Variants in RBFOX1 observed in about 807,000 individuals in gnomAD.
RBFOX1 encodes the protein RNA binding fox-1 homolog 1, also known as RNA binding protein fox-1 homolog 1.
In RBFOX1, 8 loss-of-function variants were observed where a neutral mutation model predicts 57.7. The ratio of observed to expected loss-of-function variants is 0.14; its 90% CI spans 0.08 to 0.25. The LOEUF (loss-of-function observed/expected upper bound fraction) is 0.25. Among genes scored for constraint, RBFOX1 ranks in the 10% least tolerant of loss-of-function variants. RBFOX1 has a pLI of 1.00. For missense variants in RBFOX1, 611 were observed against 548.5 expected (o/e 1.11, Z -1.14); for synonymous variants, 326 against 222.4 (o/e 1.47, Z -4.15).
intron 3 of RBFOX1, among the ~76,000 whole-genome samples, chr16:7,003,782 G>C (rs1015459224): frequency 2.6e-5 from 4 of 152,070 alleles, no homozygotes; most frequent in Non-Finnish European, 5.9e-5. Flanking sequence ...TTTATTAATA[G>C]AACTTTTTGG....
chr16:7,135,906 C>G (rs934324210), intron 4 of RBFOX1, among the ~76,000 whole-genome samples: 2 of 152,222 alleles, frequency 1.3e-5, no homozygotes, highest in Non-Finnish European at 2.9e-5. Context: ...ATCTGGCACA[C>G]AGGTTCATCT....
At chr16:7,382,485 C>T (rs185813953) in intron 4 of RBFOX1, among the ~76,000 whole-genome samples, 3 of 152,232 alleles carry the variant, frequency 2.0e-5, no homozygotes, top group Middle Eastern at 3.4e-3. Context: ...TTCTTGTTAG[C>T]GCTTATTAAA....
In RBFOX1 at chr16:6,450,826, T is replaced by TATATAC. The variant is rs2094594166; in HGVS notation, c.-64+133774_-64+133775insCATATA. Among the ~76,000 whole-genome samples the TATATAC allele has an allele frequency of 1.8e-4, 6 of 32,914 alleles. 1 individual carries two copies. The highest frequency in any genetic ancestry group is 8.5e-4 in the African/African-American group (5 of 5,916). 21.6% of individuals were successfully genotyped at this position (32,914 alleles called of 152,430 possible). On this transcript the variant is annotated intron_variant, in intron 2 of 15. Transcript: ENST00000550418. ...GTATATATATATATATACATATATA[T>TATATAC]ATATATATATGTGTATATATATATA...
intron 2 of RBFOX1, among the ~76,000 whole-genome samples, chr16:6,502,740 G>C (rs1046875151): frequency 1.6e-4 from 25 of 152,032 alleles, no homozygotes; most frequent in African/African-American, 5.8e-4. Context: ...ATCTCCTCTA[G>C]GGTAAGGTGC....
intron 3 of RBFOX1, among the ~76,000 whole-genome samples, chr16:6,672,918 C>T (rs191431585): frequency 4.6e-5 from 7 of 152,078 alleles, no homozygotes; most frequent in Non-Finnish European, 1.0e-4. Context: ...CCCCCTAGAC[C>T]CCAGGCAAGG....
At chr16:5,472,640 G>C (rs1208770350) in intron 2 of RBFOX1, among the ~76,000 whole-genome samples, 1 of 152,082 alleles carries the variant, frequency 6.6e-6, no homozygotes, top group Non-Finnish European at 1.5e-5. Context: ...TCCTGGACTG[G>C]GTCTCACCTC....
intron 3 of RBFOX1, among the ~76,000 whole-genome samples, chr16:7,029,205 TATACGTATATATATACACACATATATATA>T (rs2042090467): frequency 2.0e-5 from 1 of 50,878 alleles, no homozygotes; most frequent in Non-Finnish European, 4.4e-5. Flanking sequence ...TATGTATACG[TATACGTATATATATACACACATATATATA>T]CGTATACGTA....
At chr16:6,589,300 GT>G (rs1254085513) in intron 2 of RBFOX1, among the ~76,000 whole-genome samples, 2 of 152,216 alleles carry the variant, frequency 1.3e-5, no homozygotes, top group Non-Finnish European at 2.9e-5. Flanking sequence ...TAGAAAATAT[GT>G]GTAATTCACC....
At chr16:6,044,895 C>A (rs1444238709) in intron 1 of RBFOX1, among the ~76,000 whole-genome samples, 1 of 152,176 alleles carries the variant, frequency 6.6e-6, no homozygotes, top group African/African-American at 2.4e-5. Context: ...AATGAGAGTT[C>A]CCTCTGCATA....
chr16:6,691,547 A>G (rs1221893582), intron 3 of RBFOX1, among the ~76,000 whole-genome samples: 1 of 152,150 alleles, frequency 6.6e-6, no homozygotes, highest in South Asian at 2.1e-4. Context: ...CCGTTATCAC[A>G]TTACACGCGT....
At chr16:6,816,123 C>T (rs77879152) in intron 3 of RBFOX1, among the ~76,000 whole-genome samples, 13,757 of 152,100 alleles carry the variant, frequency 0.09, 971 homozygotes, top group African/African-American at 0.19. Flanking sequence ...GCCTGTGCAA[C>T]ATGAGGAGAC....
intron 4 of RBFOX1, among the ~76,000 whole-genome samples, chr16:7,358,696 A>C (rs948197821): frequency 6.6e-6 from 1 of 152,348 alleles, no homozygotes; most frequent in Admixed American, 6.5e-5. Context: ...CTGGGATTAC[A>C]AGCGTGAACC....
At chr16:6,261,914 C>T (rs1427103436) in intron 1 of RBFOX1, among the ~76,000 whole-genome samples, 5 of 151,942 alleles carry the variant, frequency 3.3e-5, no homozygotes, top group East Asian at 1.9e-4. Flanking sequence ...TCGATAATCC[C>T]AGATACTTGG....
intron 4 of RBFOX1, among the ~76,000 whole-genome samples, chr16:7,102,696 T>C (rs1310768415): frequency 6.6e-6 from 1 of 152,186 alleles, no homozygotes; most frequent in Non-Finnish European, 1.5e-5. Flanking sequence ...CAGCATGTGA[T>C]AGTTTATTTT....
chr16:6,499,159 C>G (rs12445385), intron 2 of RBFOX1, among the ~76,000 whole-genome samples: 2 of 152,046 alleles, frequency 1.3e-5, no homozygotes, highest in South Asian at 4.1e-4. Context: ...AAGCTGGATG[C>G]TGGTGGACTG....
chr16:6,041,775 C>G (rs1254292847), intron 1 of RBFOX1, among the ~76,000 whole-genome samples: 1 of 152,178 alleles, frequency 6.6e-6, no homozygotes, highest in Non-Finnish European at 1.5e-5. Flanking sequence ...TAAACATCTT[C>G]CAGTTGCCTC....
chr16:5,732,784 C>G (rs1456968197), intron 3 of RBFOX1, among the ~76,000 whole-genome samples: 1 of 152,128 alleles, frequency 6.6e-6, no homozygotes, highest in Non-Finnish European at 1.5e-5. Context: ...CAGTGGAGAA[C>G]AAAGCCGGGC....
intron 4 of RBFOX1, among the ~76,000 whole-genome samples, chr16:7,279,971 A>G (rs1603480902): frequency 6.6e-6 from 1 of 152,218 alleles, no homozygotes; most frequent in Admixed American, 6.5e-5. Context: ...CAAGTTGGCC[A>G]TATCAGCAGA....
intron 2 of RBFOX1, among the ~76,000 whole-genome samples, chr16:5,596,963 A>G (rs1441032635): frequency 6.6e-6 from 1 of 152,168 alleles, no homozygotes; most frequent in Non-Finnish European, 1.5e-5. Context: ...GAACAAACAC[A>G]TTTTTGATTT....
Sources: allele counts gnomAD v4.1 joint callset (sites outside exome capture counted in the v4.1 genomes callset), GRCh38; gene constraint gnomAD v4.1.1; transcripts MANE v1.5; gene names NCBI Gene and HGNC (gene_info 2026-07-23, HGNC 2026-07-21).